CRB2: variants seen among roughly 807,000 people sequenced by gnomAD.
CRB2 encodes protein crumbs homolog 2.
Under a neutral mutation model 110.9 loss-of-function variants are expected in CRB2, and 85 were observed. The ratio of observed to expected loss-of-function variants is 0.77; its 90% confidence interval spans 0.64 to 0.92. The LOEUF is 0.92. Among genes scored for constraint, CRB2 ranks in the 40% least tolerant of loss-of-function variants. The pLI, the probability that CRB2 is intolerant of heterozygous loss-of-function variation, is 0.00. For synonymous variants in CRB2, 907 were observed against 831.0 expected, an observed-to-expected ratio of 1.09 and a Z score of -1.57; for missense variants, 1,843 against 1,851.3, an observed-to-expected ratio of 1.00 and a Z score of 0.08.
Position 123,373,321 on chromosome 9 carries a change from G to C in CRB2, c.2790G>C (p.Ala930=). 6.9e-7 allele frequency: 1 copy of C among 1,449,812 alleles called. No homozygotes were observed. The highest frequency in any genetic ancestry group is 1.4e-5 in the South Asian group (1 of 73,322). 89.8% of individuals were successfully genotyped at this position (1,449,812 alleles called of 1,614,324 possible). ...TGGCGGTGCGCAATGGCTCGCTGGC[G>C]GGGGGCGTGCGCGGAGGCCATGGCC... ...VWLAVRNGSL[A]GGVRGGHGLP... Residue 930 remains alanine (A), a synonymous_variant, in exon 10 of 13, where the codon GCG becomes GCC. Coordinates refer to ENST00000373631, the MANE Select transcript of CRB2 (RefSeq NM_173689.7).
At chr9:123,364,562 A>G (rs2041908464) in intron 2 of CRB2, among the ~76,000 whole-genome samples, 1 of 140,422 alleles carries the variant, frequency 7.1e-6, no homozygotes, top group Non-Finnish European at 1.6e-5. Context: ...GGGAGTGGGG[A>G]TGGGGAGGGA....
chr9:123,365,686 A>G (rs888137575), intron 2 of CRB2, among the ~76,000 whole-genome samples: 2 of 151,886 alleles, frequency 1.3e-5, no homozygotes, highest in Middle Eastern at 3.4e-3. Flanking sequence ...ACCCCCCACC[A>G]TGTCCTGGCC....
rs1438703394 is a variant in CRB2 at position 123,377,209 on chromosome 9, G to T, written c.*147G>T. On this transcript the variant is annotated 3_prime_UTR_variant, in exon 13 of 13. Coordinates refer to ENST00000373631, the MANE Select transcript of CRB2 (RefSeq NM_173689.7). Reference sequence around the variant, plus strand: ...CTGCCTCTGCCTCTGCCCCATCCTGGATGGAGGACGAGGGGAGCAACTCAG... The same window carrying T: ...CTGCCTCTGCCTCTGCCCCATCCTGTATGGAGGACGAGGGGAGCAACTCAG... 3 of 740,360 alleles carry T rather than the reference G, an allele frequency of 4.1e-6. No individual in the cohort carries two copies. The East Asian group carries it at 8.3e-5, about 20-fold the overall frequency. The allele number at this position is 740,360 out of a possible 1,614,324, so 45.9% of individuals were successfully genotyped here.
Position 123,370,535 on chromosome 9 carries a change from G to A in CRB2, c.1482G>A (p.Gln494=). 6.2e-7 allele frequency: 1 copy of A among 1,613,598 alleles called. No homozygotes were observed. The highest frequency in any genetic ancestry group is 8.5e-7 in the Non-Finnish European group (1 of 1,180,032). The stretch of plus-strand genomic sequence containing the variant: ...TGGCATTGGTGGCAGCCACACTTCA[G>A]GCCACACTCTGGAGCTACAGCACCA... ...LELALVAATL[Q]ATLWSYSTTV... The change falls in exon 7 of 13, where the codon CAG becomes CAA. Residue 494 remains glutamine (Q), a synonymous_variant. Transcript: ENST00000373631.
In CRB2 at chr9:123,375,380, C is replaced by T. The variant is rs753941085; in HGVS notation, c.3633+37C>T. The T allele has an allele frequency of 3.2e-6, 5 of 1,539,318 alleles. No homozygotes were observed. The East Asian group carries it at 9.2e-5, about 28-fold the overall frequency. ...CAGGGGTGAGGGGCCGTGGACGTGG[C>T]CTGCTGGGCCCTTGGCGAGATGCTG... On this transcript the variant is annotated intron_variant, in intron 12 of 12. Transcript: ENST00000373631.
At chr9:123,372,091 C>A in intron 8 of CRB2, 86 bp from the exon 9 acceptor site, 2 of 1,324,426 alleles carry the variant, frequency 1.5e-6, no homozygotes, top group Non-Finnish European at 2.2e-6. Flanking sequence ...GTAGTAGGTG[C>A]TCAGCGAAGA....
intron 6 of CRB2, among the ~76,000 whole-genome samples, chr9:123,368,518 T>C (rs1027809497): frequency 1.3e-5 from 2 of 152,232 alleles, no homozygotes; most frequent in African/African-American, 4.8e-5. Context: ...GCATTTTGTT[T>C]TTTCCTTGCC....
upstream of CRB2, among the ~76,000 whole-genome samples, chr9:123,354,313 C>T (rs1414906288): frequency 6.6e-6 from 1 of 152,254 alleles, no homozygotes; most frequent in Non-Finnish European, 1.5e-5. Context: ...CGGGTGACCT[C>T]CCCGCTCTGT....
At chr9:123,358,796 G>C (rs2041828635) in intron 1 of CRB2, among the ~76,000 whole-genome samples, 1 of 152,210 alleles carries the variant, frequency 6.6e-6, no homozygotes, top group Admixed American at 6.5e-5. Flanking sequence ...TACAAAACGA[G>C]GACAGACTGG....
Position 123,373,243 on chromosome 9 carries a change from C to G in CRB2, c.2712C>G (p.Asp904Glu), listed in dbSNP as rs751319620. Residue 904 changes from aspartate to glutamate, a missense_variant, in exon 10 of 13, where the codon GAC becomes GAG. Transcript: ENST00000373631. ...TGTCGCTGGCCTTTCGCACGCGCGACTCCGAGGCCTGGCTGCTGCGTGCCG... is the reference window on the plus strand; with the variant it reads ...TGTCGCTGGCCTTTCGCACGCGCGAGTCCGAGGCCTGGCTGCTGCGTGCCG... ...GGLSLAFRTR[D>E]SEAWLLRAAA... 6.7e-7 allele frequency: 1 copy of G among 1,502,964 alleles called. No homozygotes were observed. The highest frequency in any genetic ancestry group is 1.2e-5 in the South Asian group (1 of 81,010). 93.1% of individuals were successfully genotyped at this position (1,502,964 alleles called of 1,614,324 possible). A position where few individuals can be genotyped will look rare whatever the true frequency, so the allele number is the denominator to read the frequency against.
chr9:123,373,921 G>A lies in CRB2; in HGVS notation c.3389+1G>A, dbSNP rs1349533744. The stretch of plus-strand genomic sequence containing the variant: ...CTGGCTTCGGGGGCCCGCGCTGCAG[G>A]TGGGATGGCTGGGCAGGGGGGTGGG... On this transcript the variant is annotated splice_donor_variant, in intron 10 of 12. Coordinates refer to ENST00000373631, the MANE Select transcript of CRB2 (RefSeq NM_173689.7). LOFTEE classifies it high-confidence loss of function. The A allele has an allele frequency of 6.5e-7, 1 of 1,550,082 alleles. No homozygotes were observed. Among genetic ancestry groups the A allele is most frequent in the Non-Finnish European group, 8.7e-7 (1 of 1,147,560 alleles).
intron 8 of CRB2, among the ~76,000 whole-genome samples, chr9:123,371,883 G>A (rs1215312098): frequency 6.6e-6 from 1 of 152,090 alleles, no homozygotes; most frequent in Non-Finnish European, 1.5e-5. Context: ...CTTGGGGAGC[G>A]GGACACGCTT....
At position 123,370,450 on chromosome 9, in the gene CRB2, G is replaced by A. The variant is rs756607676; in HGVS notation, c.1397G>A (p.Arg466His). The A allele has an allele frequency of 2.5e-6, 4 of 1,613,312 alleles. No individual in the cohort carries two copies. The highest frequency in any genetic ancestry group is 2.2e-5 in the South Asian group (2 of 91,086). Residue 466 changes from arginine (R) to histidine (H), a missense_variant, in exon 7 of 13, where the codon CGC becomes CAC. By Grantham distance (29) the Arg-to-His change is conservative. Transcript: ENST00000373631. Reference sequence around the variant, plus strand: ...CCCCTGGGTCTGGCACTGAGGTTTCGCACCACACTGCCCGCTGGGACCTTG... The same window carrying A: ...CCCCTGGGTCTGGCACTGAGGTTTCACACCACACTGCCCGCTGGGACCTTG... ...GGPLGLALRF[R>H]TTLPAGTLAT...
At chr9:123,355,126 T>G (rs1302898514), upstream of CRB2, among the ~76,000 whole-genome samples, 1 of 152,172 alleles carries the variant, frequency 6.6e-6, no homozygotes, top group Non-Finnish European at 1.5e-5. Flanking sequence ...CTCTCCCCAC[T>G]GGGGCTGAGG....
intron 1 of CRB2, among the ~76,000 whole-genome samples, chr9:123,357,655 G>C (rs1283308919): frequency 6.6e-6 from 1 of 152,104 alleles, no homozygotes; most frequent in African/African-American, 2.4e-5. Context: ...GCTCCTCTCT[G>C]TTCTCTGCAT....
At chr9:123,367,102 C>A in intron 4 of CRB2, 70 bp from the exon 5 acceptor site, 1 of 1,466,512 alleles carries the variant, frequency 6.8e-7, no homozygotes, top group Non-Finnish European at 9.0e-7. Context: ...CCCTCGCTAG[C>A]CTGGTCATAG....
chr9:123,359,447 T>TTTTTG (rs2041840916), intron 1 of CRB2, among the ~76,000 whole-genome samples: 1 of 122,822 alleles, frequency 8.1e-6, no homozygotes, highest in Non-Finnish European at 1.6e-5. Flanking sequence ...TTTTGTTTTT[T>TTTTTG]TTTTTTTTTT....
rs1322064254 is a variant in CRB2, at chr9:123,370,643, C to G, written c.1590C>G (p.Thr530=). ...TGGAGGTTGTGCTCCATCTAGCGAC[C>G]CTGGAGCTACGGCTCTGGCATGAGG... is the stretch of plus-strand genomic sequence containing the variant. ...HQVEVVLHLA[T]LELRLWHEGC... is the part of the protein sequence containing the mutation. Residue 530 remains threonine, a synonymous_variant, in exon 7 of 13, where the codon ACC becomes ACG. Coordinates refer to ENST00000373631, the MANE Select transcript of CRB2 (RefSeq NM_173689.7). The G allele has an allele frequency of 3.7e-6, 6 of 1,609,252 alleles. 1 individual carries two copies. In the South Asian group the frequency reaches 4.4e-5, roughly 12 times the overall value.
chr9:123,364,370 G>GCAGTGGGTTGTGCGGA (rs2041906071), intron 2 of CRB2, among the ~76,000 whole-genome samples: 1 of 151,650 alleles, frequency 6.6e-6, no homozygotes, highest in African/African-American at 2.4e-5. Context: ...GGTTGTGCGG[G>GCAGTGGGTTGTGCGGA]CAGTGGGTTG....
Sources: allele counts gnomAD v4.1 joint callset (sites outside exome capture counted in the v4.1 genomes callset), GRCh38; gene constraint gnomAD v4.1.1; transcripts MANE v1.5; gene names NCBI Gene and HGNC (gene_info 2026-07-23, HGNC 2026-07-21).